Variants in BACH2 observed in about 807,000 individuals in gnomAD.
BACH2 encodes the protein transcription regulator protein BACH2.
Under a neutral mutation model 61.8 loss-of-function variants are expected in BACH2, and 5 were observed. The observed-to-expected ratio is 0.08, with a 90% CI of 0.04 to 0.17. The LOEUF is 0.17. BACH2 is among the 10% of genes least tolerant of loss of function. BACH2 has a pLI of 1.00. For synonymous variants in BACH2, 446 were observed against 440.1 expected (o/e 1.01, Z -0.17); for missense variants, 824 against 1,091.1 (o/e 0.76, Z 3.45).
intron 4 of BACH2, among the ~76,000 whole-genome samples, chr6:90,097,345 A>G (rs1036239478): frequency 4.6e-5 from 7 of 152,218 alleles, no homozygotes; most frequent in African/African-American, 9.6e-5. Flanking sequence ...ACTGAGTCCC[A>G]CTGTCTCACT....
intron 4 of BACH2, among the ~76,000 whole-genome samples, chr6:90,134,731 A>T (rs2127824644): frequency 6.6e-6 from 1 of 152,322 alleles, no homozygotes; most frequent in South Asian, 2.1e-4. Context: ...GCTGGTATTT[A>T]TGTCTAAATG....
chr6:90,120,678 C>T (rs934944690), intron 4 of BACH2, among the ~76,000 whole-genome samples: 13 of 152,158 alleles, frequency 8.5e-5, no homozygotes, highest in Admixed American at 4.6e-4. Context: ...GAGTTCAGAA[C>T]CTATCCAATA....
intron 5 of BACH2, among the ~76,000 whole-genome samples, chr6:90,009,439 C>T (rs1424074293): frequency 6.6e-6 from 1 of 152,232 alleles, no homozygotes; most frequent in Non-Finnish European, 1.5e-5. Context: ...GCTATTGCAT[C>T]TGCCCTCTGC....
intron 5 of BACH2, among the ~76,000 whole-genome samples, chr6:90,019,740 T>C (rs1256137424): frequency 6.6e-6 from 1 of 152,174 alleles, no homozygotes; most frequent in African/African-American, 2.4e-5. Context: ...ACAACAAATA[T>C]ACAAGGAAAC....
intron 3 of BACH2, among the ~76,000 whole-genome samples, chr6:90,226,276 T>G (rs1444351767): frequency 6.6e-6 from 1 of 152,200 alleles, no homozygotes; most frequent in Non-Finnish European, 1.5e-5. Context: ...CATTTCAAAA[T>G]GTTCATGTTG....
At chr6:90,139,725 C>T (rs1051742775) in intron 4 of BACH2, among the ~76,000 whole-genome samples, 3 of 152,158 alleles carry the variant, frequency 2.0e-5, no homozygotes, top group Admixed American at 2.0e-4. Flanking sequence ...CATTTGAACA[C>T]TACCAGTTGT....
intron 2 of BACH2, among the ~76,000 whole-genome samples, chr6:90,268,616 G>A (rs1019639996): frequency 1.3e-5 from 2 of 151,802 alleles, no homozygotes; most frequent in African/African-American, 4.8e-5. Context: ...CATTTTTCTA[G>A]TATTTCATTT....
intron 4 of BACH2, among the ~76,000 whole-genome samples, chr6:90,118,681 C>T (rs1307020512): frequency 6.6e-6 from 1 of 152,052 alleles, no homozygotes; most frequent in East Asian, 1.9e-4. Context: ...GACCAAGATG[C>T]GCTCTTAAGA....
chr6:90,102,913 C>T (rs1782720985), intron 4 of BACH2, among the ~76,000 whole-genome samples: 1 of 144,186 alleles, frequency 6.9e-6, no homozygotes, highest in South Asian at 2.1e-4. Flanking sequence ...TAACCTACTT[C>T]TTCTTTCCAA....
chr6:89,950,131 G>A lies in BACH2; in HGVS notation c.1836+139C>T. 1.0e-6 allele frequency: 1 copy of A among 982,956 alleles called. No homozygotes were observed. Among genetic ancestry groups the A allele is most frequent in the South Asian group, 1.4e-5 (1 of 73,442 alleles). 60.9% of individuals were successfully genotyped at this position (982,956 alleles called of 1,614,324 possible). ...TCACCTTCAGCATCCTGCCTCTGTG[G>A]ATGGGGAAGGCAGTCTCTCTACTGT... On this transcript the variant is annotated intron_variant, in intron 7 of 8. Transcript: ENST00000257749. This position sits in a 1 kb window ranked among gnomAD's most constrained non-coding sequence, Gnocchi z 5.3.
At chr6:90,111,447 G>A (rs937043404) in intron 4 of BACH2, among the ~76,000 whole-genome samples, 1 of 152,212 alleles carries the variant, frequency 6.6e-6, no homozygotes, top group African/African-American at 2.4e-5. Flanking sequence ...AGCATCTGAG[G>A]TGCAGGCCCA....
chr6:90,057,930 T>A (rs187488940), intron 5 of BACH2, among the ~76,000 whole-genome samples: 30 of 152,334 alleles, frequency 2.0e-4, no homozygotes, highest in Admixed American at 1.8e-3. Context: ...CAATGCTTCA[T>A]GCTAAAAACT....
At chr6:90,122,905 T>A (rs930042058) in intron 4 of BACH2, among the ~76,000 whole-genome samples, 1 of 152,168 alleles carries the variant, frequency 6.6e-6, no homozygotes, top group Non-Finnish European at 1.5e-5. Flanking sequence ...AAAAGAGACA[T>A]AAAACCGGAG....
intron 7 of BACH2, among the ~76,000 whole-genome samples, chr6:89,939,502 T>A (rs908461141): frequency 1.3e-5 from 2 of 152,170 alleles, no homozygotes; most frequent in Non-Finnish European, 2.9e-5. Context: ...ACAATAGACA[T>A]TGGATGCAGG....
At chr6:90,091,479 A>C (rs1744949223) in intron 4 of BACH2, among the ~76,000 whole-genome samples, 1 of 152,156 alleles carries the variant, frequency 6.6e-6, no homozygotes, top group Non-Finnish European at 1.5e-5. Context: ...GGAATGCTAA[A>C]GCAGGTCTTA....
At chr6:90,005,896 G>A (rs1231956397) in intron 6 of BACH2, among the ~76,000 whole-genome samples, 1 of 152,214 alleles carries the variant, frequency 6.6e-6, no homozygotes, top group Non-Finnish European at 1.5e-5. Flanking sequence ...TCATTTTACA[G>A]GGGGAGGAAG....
Position 89,950,918 on chromosome 6 carries a change from G to A in BACH2, c.1188C>T (p.His396=), listed in dbSNP as rs1774054455. The part of the protein sequence containing the change: ...TPFTGNYGQP[H]VGQKEVSNFT... ...AGTTGGACACCTCCTTCTGGCCCAC[G>A]TGGGGCTGTCCATAATTCCCTGTGA... Residue 396 remains histidine, a synonymous_variant, in exon 7 of 9, where the codon CAC becomes CAT. Transcript: ENST00000257749. The surrounding 1 kb of genome is among the most constrained non-coding windows in gnomAD (Gnocchi z 5.3). 7 of 1,587,082 alleles carry A rather than the reference G, an allele frequency of 4.4e-6. No individual in the cohort carries two copies. Among genetic ancestry groups the A allele is most frequent in the South Asian group, 2.3e-5 (2 of 85,970 alleles).
rs1772478980 is a variant in BACH2, at chr6:89,928,708, G to A, written c.*3700C>T. ...TCCCGAATTATAGTGCATCTTAAAA[G>A]CAGCAAACCTTTAGAAAGACAGTTA... On this transcript the variant is annotated 3_prime_UTR_variant, in exon 9 of 9. Coordinates refer to ENST00000257749, the MANE Select transcript of BACH2 (RefSeq NM_021813.4). 6.6e-6 allele frequency: 1 copy of A among 152,620 alleles called. No homozygotes were observed. The highest frequency in any genetic ancestry group is 6.6e-5 in the Admixed American group (1 of 15,266). 9.5% of individuals were successfully genotyped at this position (152,620 alleles called of 1,614,324 possible). A position where few individuals can be genotyped will look rare whatever the true frequency, so the allele number is the denominator to read the frequency against.
chr6:89,973,061 G>A (rs1775457217), intron 6 of BACH2, among the ~76,000 whole-genome samples: 1 of 152,200 alleles, frequency 6.6e-6, no homozygotes, highest in South Asian at 2.1e-4. Context: ...CTGCACTCCA[G>A]CCTGGGCAAC....
Sources: gnomAD v4.1 joint callset for allele counts (sites outside exome capture counted in the v4.1 genomes callset) on GRCh38, gnomAD v4.1.1 for gene constraint, Gnocchi (gnomAD v3.1) non-coding constraint, MANE v1.5 for transcripts, NCBI Gene and HGNC (gene_info 2026-07-23, HGNC 2026-07-21) for gene names.